SNX30: variants seen among roughly 807,000 people sequenced by gnomAD.
The protein encoded by SNX30 is sorting nexin-30.
Under a neutral mutation model 46.4 loss-of-function variants are expected in SNX30, and 24 were observed. That is an observed-to-expected ratio of 0.52 (90% CI 0.37 to 0.73). The LOEUF is 0.73. Ranked by LOEUF, SNX30 falls within the 30% of genes least tolerant of loss-of-function variation. SNX30 has a pLI of 0.00. For missense variants in SNX30, 533 were observed against 555.7 expected, an observed-to-expected ratio of 0.96 and a Z score of 0.41; for synonymous variants, 189 against 211.5, an observed-to-expected ratio of 0.89 and a Z score of 0.92.
chr9:112,865,879 C>T (rs1399812559), intron 8 of SNX30, among the ~76,000 whole-genome samples: 1 of 151,642 alleles, frequency 6.6e-6, no homozygotes, highest in African/African-American at 2.4e-5. Context: ...GTAACTCCCA[C>T]ACCTTCCCTC....
At chr9:112,850,800 G>C (rs183711606) in intron 6 of SNX30, 59 bp from the exon 7 acceptor site, 1 of 1,312,172 alleles carries the variant, frequency 7.6e-7, no homozygotes, top group African/African-American at 1.5e-5. Context: ...AATTGCCTGG[G>C]GGTGGGAGGC....
At chr9:112,830,986 C>G in intron 4 of SNX30, 103 bp downstream of exon 4, 1 of 1,227,200 alleles carries the variant, frequency 8.1e-7, no homozygotes. Flanking sequence ...AAACTTTTAA[C>G]AAATAGCCGA....
intron 2 of SNX30, among the ~76,000 whole-genome samples, chr9:112,805,694 C>T (rs956721791): frequency 6.6e-6 from 1 of 152,150 alleles, no homozygotes; most frequent in Non-Finnish European, 1.5e-5. Flanking sequence ...GTCTCGAACT[C>T]CTGACCTCAG....
At chr9:112,851,755 G>A (rs1239200344) in intron 7 of SNX30, among the ~76,000 whole-genome samples, 2 of 147,932 alleles carry the variant, frequency 1.4e-5, no homozygotes, top group African/African-American at 2.4e-5. Context: ...AAGATAATTT[G>A]GTGGGTAGGG....
At chr9:112,827,025 C>T (rs1840588292) in intron 3 of SNX30, among the ~76,000 whole-genome samples, 1 of 152,136 alleles carries the variant, frequency 6.6e-6, no homozygotes, top group African/African-American at 2.4e-5. Flanking sequence ...GACTCTATTC[C>T]CCTCTCTTCT....
intron 1 of SNX30, among the ~76,000 whole-genome samples, chr9:112,760,020 A>G (rs764100373): frequency 2.0e-5 from 3 of 152,164 alleles, no homozygotes; most frequent in African/African-American, 4.8e-5. Context: ...ATTTTGGCCT[A>G]TGCTTTGTCG....
intron 5 of SNX30, among the ~76,000 whole-genome samples, chr9:112,838,085 G>T (rs1415339416): frequency 6.7e-6 from 1 of 148,386 alleles, no homozygotes; most frequent in African/African-American, 2.5e-5. Flanking sequence ...TAGAAACGGG[G>T]TTTCACTGTG....
At chr9:112,820,124 A>C (rs1198901507) in intron 3 of SNX30, among the ~76,000 whole-genome samples, 4 of 152,216 alleles carry the variant, frequency 2.6e-5, no homozygotes, top group Non-Finnish European at 1.5e-5. Context: ...AGAATGGAAG[A>C]ATTTCCGGAA....
chr9:112,884,962 A>G (rs1348390473), downstream of SNX30, among the ~76,000 whole-genome samples: 3 of 152,196 alleles, frequency 2.0e-5, no homozygotes, highest in Non-Finnish European at 2.9e-5. Context: ...TGTGCACTGC[A>G]TGGTAGCTAA....
chr9:112,845,616 C>T (rs1840928661), intron 6 of SNX30, among the ~76,000 whole-genome samples: 1 of 152,172 alleles, frequency 6.6e-6, no homozygotes, highest in South Asian at 2.1e-4. Context: ...TCTTCTCCTG[C>T]TTGACTCTCA....
intron 6 of SNX30, among the ~76,000 whole-genome samples, chr9:112,845,706 C>A (rs951096513): frequency 6.6e-6 from 1 of 152,214 alleles, no homozygotes; most frequent in Non-Finnish European, 1.5e-5. Context: ...CCCACAGATA[C>A]TGATATTGGC....
rs1315464837 is a variant in SNX30, at chr9:112,870,743, G to A, written c.*1900G>A. 3.9e-5 allele frequency: 6 copies of A among 152,376 alleles called. No individual in the cohort carries two copies. 9.4% of individuals were successfully genotyped at this position (152,376 alleles called of 1,614,324 possible). A position where few individuals can be genotyped will look rare whatever the true frequency, so the allele number is the denominator to read the frequency against. On this transcript the variant is annotated 3_prime_UTR_variant, in exon 9 of 9. Transcript: ENST00000374232. The stretch of plus-strand genomic sequence containing the variant: ...GACACTGTGCTGGGAGAATCAGGAT[G>A]TGTGTCTAATGGCGAGCTGACAGCC...
At chr9:112,752,451 A>T (rs532857850) in intron 1 of SNX30, among the ~76,000 whole-genome samples, 1 of 152,246 alleles carries the variant, frequency 6.6e-6, no homozygotes, top group East Asian at 1.9e-4. Context: ...CCCCGTTTCC[A>T]CATACGCACA....
chr9:112,879,671 G>C, downstream of SNX30: 1 of 1,229,208 alleles, frequency 8.1e-7, no homozygotes, highest in Non-Finnish European at 1.2e-6. Context: ...TAAGCAGTGG[G>C]TTGCTTAGGT....
intron 1 of SNX30, among the ~76,000 whole-genome samples, chr9:112,753,279 T>C (rs1839304422): frequency 6.6e-6 from 1 of 152,202 alleles, no homozygotes; most frequent in Non-Finnish European, 1.5e-5. Flanking sequence ...CACCAAGATC[T>C]GGTTAGTGGT....
chr9:112,847,280 GCA>G (rs1447008977), intron 6 of SNX30, among the ~76,000 whole-genome samples: 40 of 152,214 alleles, frequency 2.6e-4, no homozygotes, highest in Admixed American at 4.6e-4. Flanking sequence ...GCCGTCCCGC[GCA>G]TATCCCAGCC....
chr9:112,845,708 GA>G (rs1156779015), intron 6 of SNX30, among the ~76,000 whole-genome samples: 1 of 152,202 alleles, frequency 6.6e-6, no homozygotes, highest in Non-Finnish European at 1.5e-5. Flanking sequence ...CACAGATACT[GA>G]TATTGGCTGG....
chr9:112,749,873 G>A (rs559354057), upstream of SNX30, among the ~76,000 whole-genome samples: 5 of 152,294 alleles, frequency 3.3e-5, no homozygotes, highest in African/African-American at 1.2e-4. Context: ...TACTTTGCTA[G>A]AGGGACTGAA....
intron 8 of SNX30, among the ~76,000 whole-genome samples, chr9:112,866,972 TCCTTCCTC>T (rs1841361301): frequency 6.5e-5 from 1 of 15,288 alleles, no homozygotes; most frequent in Non-Finnish European, 1.4e-4. Flanking sequence ...GAACTCCTCC[TCCTTCCTC>T]AGAATTCCTT....
Sources: allele counts gnomAD v4.1 joint callset (sites outside exome capture counted in the v4.1 genomes callset), GRCh38; gene constraint gnomAD v4.1.1; transcripts MANE v1.5; gene names NCBI Gene and HGNC (gene_info 2026-07-23, HGNC 2026-07-21).